The following TDRD3 variants were observed in gnomAD, a reference collection of about 807,000 sequenced individuals.
TDRD3 encodes the protein tudor domain-containing protein 3.
In TDRD3, 45 loss-of-function variants were observed where a neutral mutation model predicts 86.7. That is an observed-to-expected ratio of 0.52 (90% CI 0.41 to 0.67). The LOEUF is 0.67. Ranked by LOEUF, TDRD3 falls within the 30% of genes least tolerant of loss-of-function variation. The pLI is 0.00. For missense variants in TDRD3, 814 were observed against 889.0 expected (o/e 0.92, Z 1.07); for synonymous variants, 298 against 301.7 (o/e 0.99, Z 0.13).
At chr13:60,421,470 G>T (rs552154382) in intron 1 of TDRD3, among the ~76,000 whole-genome samples, 1 of 152,310 alleles carries the variant, frequency 6.6e-6, no homozygotes, top group East Asian at 1.9e-4. Context: ...TTCGAGATGA[G>T]ATTTGGGTGG....
chr13:60,522,935 G>A (rs1957322114), intron 10 of TDRD3, among the ~76,000 whole-genome samples: 1 of 152,046 alleles, frequency 6.6e-6, no homozygotes, highest in Non-Finnish European at 1.5e-5. Context: ...ATGTGTTTTA[G>A]CTTCAGTTAG....
At chr13:60,544,637 A>G (rs1957896704) in intron 12 of TDRD3, among the ~76,000 whole-genome samples, 1 of 152,060 alleles carries the variant, frequency 6.6e-6, no homozygotes, top group Non-Finnish European at 1.5e-5. Context: ...TTTGAATAGT[A>G]TATTAATTCA....
At chr13:60,423,819 A>T (rs1954724784) in intron 1 of TDRD3, among the ~76,000 whole-genome samples, 2 of 152,218 alleles carry the variant, frequency 1.3e-5, no homozygotes, top group African/African-American at 4.8e-5. Context: ...AATTTATTTT[A>T]CTGCTTTTAT....
chr13:60,543,640 A>G (rs1238600588), intron 12 of TDRD3, among the ~76,000 whole-genome samples: 1 of 152,106 alleles, frequency 6.6e-6, no homozygotes, highest in African/African-American at 2.4e-5. Context: ...TTGTTTTAGA[A>G]TTTCCAAACC....
At chr13:60,562,182 G>A (rs1958349508) in intron 12 of TDRD3, among the ~76,000 whole-genome samples, 1 of 151,954 alleles carries the variant, frequency 6.6e-6, no homozygotes, top group Non-Finnish European at 1.5e-5. Context: ...GTTTGGTGGT[G>A]CGTGCCTGTA....
At chr13:60,540,965 C>T (rs2137844653) in intron 12 of TDRD3, among the ~76,000 whole-genome samples, 1 of 152,226 alleles carries the variant, frequency 6.6e-6, no homozygotes, top group South Asian at 2.1e-4. Context: ...AATAATGCAT[C>T]TGTTTCTAAC....
intron 12 of TDRD3, among the ~76,000 whole-genome samples, chr13:60,541,873 A>G (rs1957824064): frequency 4.6e-5 from 7 of 151,738 alleles, no homozygotes; most frequent in Admixed American, 4.6e-4. Context: ...GATTACAGGC[A>G]TGGGCCACCA....
chr13:60,512,924 T>A (rs1466720214), intron 10 of TDRD3, among the ~76,000 whole-genome samples: 17 of 152,124 alleles, frequency 1.1e-4, no homozygotes, highest in Admixed American at 1.0e-3. Flanking sequence ...TTCTTATAGC[T>A]CCACTGAGCA....
chr13:60,486,046 C>T (rs1956428755), intron 7 of TDRD3, 98 bp downstream of exon 7: 1 of 1,237,914 alleles, frequency 8.1e-7, no homozygotes, highest in East Asian at 2.8e-5. Flanking sequence ...CTAACTAATT[C>T]AACAAACGCT....
At chr13:60,503,519 C>T (rs1294185573) in intron 8 of TDRD3, among the ~76,000 whole-genome samples, 1 of 152,128 alleles carries the variant, frequency 6.6e-6, no homozygotes, top group African/African-American at 2.4e-5. Context: ...CAAAATATAA[C>T]TTAAAGAAGA....
At position 60,528,240 on chromosome 13, in the gene TDRD3, G is replaced by A. The variant is rs183178790; in HGVS notation, c.1142-127G>A. On this transcript the variant is annotated intron_variant, in intron 10 of 13. Coordinates refer to ENST00000377881, the MANE Select transcript of TDRD3 (RefSeq NM_001146070.2). Reference sequence around the variant, plus strand: ...AAAGAAGGAGTAAGATAATGAGGTAGGAAGATGGAAGAAGATTTTAGAATA... The same window carrying A: ...AAAGAAGGAGTAAGATAATGAGGTAAGAAGATGGAAGAAGATTTTAGAATA... 7.0e-5 allele frequency: 75 copies of A among 1,070,876 alleles called. No individual in the cohort carries two copies. The East Asian group carries it at 1.9e-3, about 27-fold the overall frequency. 66.3% of individuals were successfully genotyped at this position (1,070,876 alleles called of 1,614,324 possible).
intron 12 of TDRD3, among the ~76,000 whole-genome samples, chr13:60,551,178 AC>A (rs1958044147): frequency 6.6e-6 from 1 of 152,194 alleles, no homozygotes; most frequent in East Asian, 1.9e-4. Flanking sequence ...CTCTGTATCC[AC>A]TGGGATATGT....
intron 5 of TDRD3, among the ~76,000 whole-genome samples, chr13:60,475,353 T>C (rs1956163011): frequency 6.6e-6 from 1 of 152,214 alleles, no homozygotes; most frequent in South Asian, 2.1e-4. Context: ...GTATTTGGTT[T>C]TCTGTTCCTG....
At chr13:60,541,256 C>T (rs190201228) in intron 12 of TDRD3, among the ~76,000 whole-genome samples, 19 of 151,884 alleles carry the variant, frequency 1.3e-4, no homozygotes, top group Admixed American at 1.1e-3. Context: ...CAACCTCTGC[C>T]TCCTGGGTTC....
intron 12 of TDRD3, among the ~76,000 whole-genome samples, chr13:60,544,772 T>C (rs960655240): frequency 6.6e-6 from 1 of 152,174 alleles, no homozygotes; most frequent in African/African-American, 2.4e-5. Flanking sequence ...ATACTCCATA[T>C]CAAACTCCAG....
At chr13:60,482,521 A>C (rs192607275) in intron 5 of TDRD3, among the ~76,000 whole-genome samples, 82 of 152,298 alleles carry the variant, frequency 5.4e-4, no homozygotes, top group Non-Finnish European at 4.3e-4. Flanking sequence ...TATTATTTGC[A>C]ATTCATGAAC....
chr13:60,461,382 A>G (rs777634138), intron 4 of TDRD3, among the ~76,000 whole-genome samples: 26 of 152,296 alleles, frequency 1.7e-4, no homozygotes, highest in Admixed American at 2.6e-4. Context: ...GCCATGCCCA[A>G]TGGAATGGAC....
At chr13:60,526,083 A>G (rs1441432396) in intron 10 of TDRD3, among the ~76,000 whole-genome samples, 1 of 152,178 alleles carries the variant, frequency 6.6e-6, no homozygotes, top group Non-Finnish European at 1.5e-5. Flanking sequence ...AGTCCAGGAT[A>G]CTTAGTTACT....
At chr13:60,428,310 A>G (rs1954861900) in intron 1 of TDRD3, among the ~76,000 whole-genome samples, 1 of 151,674 alleles carries the variant, frequency 6.6e-6, no homozygotes, top group Non-Finnish European at 1.5e-5. Context: ...TAACATTCAC[A>G]GATTCCCAGG....
Sources: gnomAD v4.1 joint callset for allele counts (sites outside exome capture counted in the v4.1 genomes callset) on GRCh38, gnomAD v4.1.1 for gene constraint, MANE v1.5 for transcripts, NCBI Gene and HGNC (gene_info 2026-07-23, HGNC 2026-07-21) for gene names.